Variants in SORBS2 observed in about 807,000 individuals in gnomAD.
SORBS2 encodes the protein sorbin and SH3 domain containing 2, also known as sorbin and SH3 domain-containing protein 2.
SORBS2 carries 46 observed loss-of-function variants against 97.7 expected under a neutral mutation model. That is an observed-to-expected ratio of 0.47 (90% CI 0.37 to 0.60). The LOEUF (loss-of-function observed/expected upper bound fraction) is 0.60. Among genes scored for constraint, SORBS2 ranks in the 20% least tolerant of loss-of-function variants. The probability of loss-of-function intolerance (pLI) is 0.00; values close to 1 mark genes in which losing one functional copy is unlikely to be tolerated. For synonymous variants in SORBS2, 476 were observed against 473.4 expected (o/e 1.01, Z -0.07); for missense variants, 1,316 against 1,282.3 (o/e 1.03, Z -0.40).
intron 2 of SORBS2, among the ~76,000 whole-genome samples, chr4:185,749,006 T>A (rs570343377): frequency 3.3e-5 from 5 of 152,246 alleles, no homozygotes; most frequent in Admixed American, 2.6e-4. Flanking sequence ...CGGCAGAAAG[T>A]TCCCAAAAAG....
At chr4:185,745,654 A>G (rs1447622236) in intron 2 of SORBS2, among the ~76,000 whole-genome samples, 2 of 152,230 alleles carry the variant, frequency 1.3e-5, no homozygotes, top group African/African-American at 4.8e-5. Flanking sequence ...CTTGGAGAGA[A>G]TTTAAATTTA....
chr4:185,609,324 C>T (rs1165453656), intron 12 of SORBS2, among the ~76,000 whole-genome samples: 3 of 152,124 alleles, frequency 2.0e-5, no homozygotes, highest in East Asian at 3.8e-4. Context: ...TAATTTCAGA[C>T]CATCAGGTTT....
At chr4:185,927,851 C>T (rs1166490080) in intron 1 of SORBS2, among the ~76,000 whole-genome samples, 3 of 152,154 alleles carry the variant, frequency 2.0e-5, no homozygotes, top group African/African-American at 7.2e-5. Flanking sequence ...ATATGGTGAA[C>T]ACTCAAGGGA....
intron 1 of SORBS2, among the ~76,000 whole-genome samples, chr4:185,839,264 G>A (rs528690625): frequency 3.9e-5 from 6 of 152,310 alleles, no homozygotes; most frequent in African/African-American, 1.4e-4. Context: ...AACCTCAGCC[G>A]CTGGCTTGGA....
intron 14 of SORBS2, among the ~76,000 whole-genome samples, chr4:185,588,519 C>T (rs778467670): frequency 6.6e-6 from 1 of 151,642 alleles, no homozygotes; most frequent in Admixed American, 6.6e-5. Context: ...CTCCTATATC[C>T]TGGCACTTAC....
intron 1 of SORBS2, among the ~76,000 whole-genome samples, chr4:185,885,040 G>C (rs1418492345): frequency 6.6e-6 from 1 of 152,128 alleles, no homozygotes; most frequent in African/African-American, 2.4e-5. Context: ...TCTTGAGAAG[G>C]AGAGCAACAA....
chr4:185,683,024 AAAAAAG>A (rs1475137143), intron 2 of SORBS2, among the ~76,000 whole-genome samples: 1 of 151,032 alleles, frequency 6.6e-6, no homozygotes, highest in Admixed American at 6.6e-5. Context: ...CAAAAAAAAA[AAAAAAG>A]AAAAGAAAAG....
chr4:185,794,815 T>C (rs2099097465), intron 1 of SORBS2, among the ~76,000 whole-genome samples: 2 of 149,884 alleles, frequency 1.3e-5, no homozygotes, highest in Admixed American at 1.3e-4. Flanking sequence ...TGTCTGAGCA[T>C]GATTGAAGTC....
At chr4:185,897,910 G>A (rs1579372870) in intron 1 of SORBS2, among the ~76,000 whole-genome samples, 1 of 152,232 alleles carries the variant, frequency 6.6e-6, no homozygotes, top group East Asian at 1.9e-4. Context: ...GGTGGCAGGT[G>A]CCTGTAATCC....
chr4:185,712,301 A>C (rs2098426823), intron 2 of SORBS2, among the ~76,000 whole-genome samples: 1 of 152,178 alleles, frequency 6.6e-6, no homozygotes, highest in Non-Finnish European at 1.5e-5. Context: ...GTAACTTCGG[A>C]GAAGAATCCA....
At chr4:185,679,814 A>G (rs2097845686) in intron 2 of SORBS2, among the ~76,000 whole-genome samples, 1 of 152,214 alleles carries the variant, frequency 6.6e-6, no homozygotes, top group Non-Finnish European at 1.5e-5. Flanking sequence ...TTTTTCTTTT[A>G]GTGCTTCAGC....
intron 2 of SORBS2, among the ~76,000 whole-genome samples, chr4:185,693,621 C>A (rs538716105): frequency 3.7e-4 from 56 of 152,280 alleles, no homozygotes; most frequent in South Asian, 2.1e-4. Flanking sequence ...AACCAGGCAA[C>A]GCTGTGCTTA....
intron 13 of SORBS2, chr4:185,593,643 C>A: frequency 4.1e-6 from 2 of 484,250 alleles, no homozygotes; most frequent in South Asian, 5.5e-5. Context: ...ATCACTGAAG[C>A]ATTGGGAAGT....
intron 1 of SORBS2, among the ~76,000 whole-genome samples, chr4:185,840,373 G>A (rs34510106): frequency 6.6e-6 from 1 of 152,030 alleles, no homozygotes; most frequent in South Asian, 2.1e-4. Flanking sequence ...TTTTGGTGTG[G>A]TTCTTTCATA....
At chr4:185,618,941 G>A (rs1462701940) in intron 8 of SORBS2, among the ~76,000 whole-genome samples, 1 of 152,234 alleles carries the variant, frequency 6.6e-6, no homozygotes, top group Middle Eastern at 3.4e-3. Flanking sequence ...CTGTTACAAA[G>A]GCTCTTCCTA....
chr4:185,880,860 AAG>A (rs2099236494), intron 1 of SORBS2, among the ~76,000 whole-genome samples: 1 of 152,198 alleles, frequency 6.6e-6, no homozygotes. Context: ...GATAGCAACT[AAG>A]AGATCTGGGA....
intron 1 of SORBS2, among the ~76,000 whole-genome samples, chr4:185,892,948 G>T (rs988599841): frequency 5.9e-5 from 9 of 152,098 alleles, no homozygotes; most frequent in African/African-American, 2.2e-4. Context: ...TGAGAATGGG[G>T]AGAAACCTTG....
At chr4:185,694,737 C>T (rs1376873842) in intron 2 of SORBS2, among the ~76,000 whole-genome samples, 6 of 115,532 alleles carry the variant, frequency 5.2e-5, no homozygotes, top group African/African-American at 2.1e-4. Flanking sequence ...GACGGAGTCT[C>T]ACTCTGCCGC....
At chr4:185,886,092 A>G (rs1168694766) in intron 1 of SORBS2, among the ~76,000 whole-genome samples, 1 of 152,214 alleles carries the variant, frequency 6.6e-6, no homozygotes, top group Non-Finnish European at 1.5e-5. Context: ...TGAACATAGC[A>G]AGCCCCTGGG....
Sources: gnomAD v4.1 joint callset for allele counts (sites outside exome capture counted in the v4.1 genomes callset) on GRCh38, gnomAD v4.1.1 for gene constraint, MANE v1.5 for transcripts, NCBI Gene and HGNC (gene_info 2026-07-23, HGNC 2026-07-21) for gene names.